WWOX: variants seen among roughly 807,000 people sequenced by gnomAD.
The protein encoded by WWOX is WW domain-containing oxidoreductase.
Under a neutral mutation model 46.2 loss-of-function variants are expected in WWOX, and 69 were observed. That is an observed-to-expected ratio of 1.49 (90% CI 1.23 to 1.82). The LOEUF is 1.82. WWOX is among the 40% of genes most tolerant of loss of function. The pLI is 0.00. For missense variants in WWOX, 919 were observed against 542.6 expected, an observed-to-expected ratio of 1.69 and a Z score of -6.89; for synonymous variants, 359 against 202.6, an observed-to-expected ratio of 1.77 and a Z score of -6.56.
intron 5 of WWOX, among the ~76,000 whole-genome samples, chr16:78,272,944 G>T (rs2079508680): frequency 1.3e-5 from 2 of 152,102 alleles, no homozygotes; most frequent in Admixed American, 6.5e-5. Flanking sequence ...CTTGTCATTA[G>T]GGTCTCATTT....
chr16:78,936,423 C>A (rs1009230309), intron 8 of WWOX, among the ~76,000 whole-genome samples: 1 of 152,134 alleles, frequency 6.6e-6, no homozygotes, highest in African/African-American at 2.4e-5. Flanking sequence ...AGACTTCTTA[C>A]TCTCTAGAGC....
chr16:78,609,668 A>T (rs1015533244), intron 8 of WWOX, among the ~76,000 whole-genome samples: 14 of 151,846 alleles, frequency 9.2e-5, no homozygotes, highest in African/African-American at 3.4e-4. Context: ...CTGTCTTTGG[A>T]CATCTACTCC....
Position 78,363,972 on chromosome 16 carries a change from A to T in WWOX, c.517-22888A>T, listed in dbSNP as rs2081472955. Among the ~76,000 whole-genome samples the T allele has an allele frequency of 2.0e-5, 3 of 152,212 alleles. No individual in the cohort carries two copies. The South Asian group carries it at 6.2e-4, about 31-fold the overall frequency. On this transcript the variant is annotated intron_variant, in intron 5 of 8. Transcript: ENST00000566780. ...TGTCACTCTTGCTGACATCCGACTGACCAAGTGGGCAAGAGGAATTCTTCA... is the reference window on the plus strand; with the variant it reads ...TGTCACTCTTGCTGACATCCGACTGTCCAAGTGGGCAAGAGGAATTCTTCA...
chr16:78,395,660 A>C (rs903407967), intron 6 of WWOX, among the ~76,000 whole-genome samples: 1 of 152,244 alleles, frequency 6.6e-6, no homozygotes, highest in African/African-American at 2.4e-5. Flanking sequence ...CTAGGGTGAC[A>C]AGAGCCAAGA....
At chr16:78,525,637 T>G (rs1369299054) in intron 8 of WWOX, 1 of 152,190 alleles carries the variant, frequency 6.6e-6, no homozygotes, top group Non-Finnish European at 1.5e-5. Flanking sequence ...CAGCAATATC[T>G]TCTATCTTTT....
At chr16:78,867,698 G>A (rs1018863343) in intron 8 of WWOX, among the ~76,000 whole-genome samples, 2 of 152,010 alleles carry the variant, frequency 1.3e-5, no homozygotes, top group African/African-American at 4.8e-5. Context: ...CTGCCACCAT[G>A]CCTGGCTAAT....
intron 8 of WWOX, among the ~76,000 whole-genome samples, chr16:78,808,069 C>T (rs1245387387): frequency 6.6e-6 from 1 of 152,218 alleles, no homozygotes; most frequent in Non-Finnish European, 1.5e-5. Flanking sequence ...TCAAAGGCAT[C>T]CCCTTCCCCA....
chr16:78,884,972 G>T (rs775918079), intron 8 of WWOX, among the ~76,000 whole-genome samples: 1 of 152,022 alleles, frequency 6.6e-6, no homozygotes, highest in South Asian at 2.1e-4. Flanking sequence ...TACCCTCTGA[G>T]ACCCCACCAA....
intron 8 of WWOX, among the ~76,000 whole-genome samples, chr16:79,003,685 T>C (rs1001814411): frequency 6.6e-6 from 1 of 152,174 alleles, no homozygotes; most frequent in Non-Finnish European, 1.5e-5. Context: ...TCTCAGCTCG[T>C]GGCTGCTCCA....
At position 79,178,431 on chromosome 16, in the gene WWOX, C is replaced by G. The variant is rs554378943; in HGVS notation, c.1057-33177C>G. On this transcript the variant is annotated intron_variant, in intron 8 of 8. Coordinates refer to ENST00000566780, the MANE Select transcript of WWOX (RefSeq NM_016373.4). ...TCCTGGGATCAAGCAGTCTTCTTGCCTTAGCCACCCGAGTAGCTGGATGAC... is the reference window on the plus strand; with the variant it reads ...TCCTGGGATCAAGCAGTCTTCTTGCGTTAGCCACCCGAGTAGCTGGATGAC... Among the ~76,000 whole-genome samples the G allele has an allele frequency of 4.6e-5, 7 of 152,138 alleles. No individual in the cohort carries two copies. The South Asian group carries it at 1.0e-3, about 23-fold the overall frequency.
intron 6 of WWOX, among the ~76,000 whole-genome samples, chr16:78,408,829 A>C (rs969051036): frequency 5.3e-5 from 8 of 152,188 alleles, no homozygotes; most frequent in Admixed American, 1.3e-4. Flanking sequence ...GCATCTGGGA[A>C]CGAGTGAGGG....
At position 78,452,963 on chromosome 16, in the gene WWOX, C is replaced by G. The variant is rs74778707; in HGVS notation, c.1056+20211C>G. ...TTATGGCTCACTGCAGCCTCATGAG[C>G]CTCAACCTTCTTGGCCTAAGTGATC... On this transcript the variant is annotated intron_variant, in intron 8 of 8. Transcript: ENST00000566780. 4.2e-3 allele frequency among the ~76,000 whole-genome samples: 638 copies of G among 150,536 alleles called. 10 individuals carry two copies. Among genetic ancestry groups the G allele is most frequent in the African/African-American group, 0.015 (612 of 40,506 alleles).
chr16:78,789,920 G>T (rs1390773813), intron 8 of WWOX, among the ~76,000 whole-genome samples: 1 of 152,074 alleles, frequency 6.6e-6, no homozygotes, highest in Non-Finnish European at 1.5e-5. Flanking sequence ...CTCCAATTCT[G>T]CCACTTATTG....
intron 8 of WWOX, among the ~76,000 whole-genome samples, chr16:79,045,182 C>G (rs942369051): frequency 6.6e-6 from 1 of 152,102 alleles, no homozygotes; most frequent in African/African-American, 2.4e-5. Context: ...AATCTTTTCC[C>G]CAAATTATGC....
intron 8 of WWOX, among the ~76,000 whole-genome samples, chr16:78,566,293 G>T (rs535851215): frequency 6.6e-6 from 1 of 152,308 alleles, no homozygotes; most frequent in South Asian, 2.1e-4. Context: ...TGGGGGAGCT[G>T]GGGAGAGGAA....
At chr16:78,125,250 AG>A (rs945842663) in intron 4 of WWOX, among the ~76,000 whole-genome samples, 1 of 152,060 alleles carries the variant, frequency 6.6e-6, no homozygotes, top group African/African-American at 2.4e-5. Flanking sequence ...AAGAGAAGGG[AG>A]GTGAGGTAAC....
At chr16:79,113,456 C>A (rs1318820986) in intron 8 of WWOX, among the ~76,000 whole-genome samples, 1 of 152,188 alleles carries the variant, frequency 6.6e-6, no homozygotes, top group South Asian at 2.1e-4. Flanking sequence ...CTGGTCCACA[C>A]CTTGGTACAA....
chr16:78,758,567 T>A (rs142523448), intron 8 of WWOX, among the ~76,000 whole-genome samples: 1 of 152,322 alleles, frequency 6.6e-6, no homozygotes, highest in African/African-American at 2.4e-5. Flanking sequence ...CAATTCCAAG[T>A]GCTACCTCTG....
intron 5 of WWOX, among the ~76,000 whole-genome samples, chr16:78,359,600 C>A (rs1332868271): frequency 1.3e-5 from 2 of 151,998 alleles, no homozygotes; most frequent in African/African-American, 4.8e-5. Context: ...TGAGTTAAAG[C>A]AAGATTTAAA....
Sources: allele counts gnomAD v4.1 joint callset (sites outside exome capture counted in the v4.1 genomes callset), GRCh38; gene constraint gnomAD v4.1.1; transcripts MANE v1.5; gene names NCBI Gene and HGNC (gene_info 2026-07-23, HGNC 2026-07-21).